The following MMS19 variants were observed in gnomAD, a reference collection of about 807,000 sequenced individuals.
MMS19 encodes MMS19 nucleotide excision repair protein homolog.
Under a neutral mutation model 129.8 loss-of-function variants are expected in MMS19, and 77 were observed. The observed-to-expected ratio is 0.59, with a 90% CI of 0.49 to 0.72. The LOEUF (loss-of-function observed/expected upper bound fraction) is 0.72, where lower values mean the gene tolerates loss of function less well. Among genes scored for constraint, MMS19 ranks in the 30% least tolerant of loss-of-function variants. The probability of loss-of-function intolerance (pLI) is 0.00; values close to 1 mark genes in which losing one functional copy is unlikely to be tolerated. For missense variants in MMS19, 1,168 were observed against 1,266.3 expected (o/e 0.92, Z 1.18); for synonymous variants, 491 against 502.8 (o/e 0.98, Z 0.31).
intron 1 of MMS19, among the ~76,000 whole-genome samples, chr10:97,491,832 GC>G (rs1398258253): frequency 6.6e-6 from 1 of 151,856 alleles, no homozygotes. Flanking sequence ...TTGAATTAAT[GC>G]AGCACAAACA....
chr10:97,461,384 G>T, intron 23 of MMS19, 112 bp downstream of exon 23: 1 of 1,299,016 alleles, frequency 7.7e-7, no homozygotes, highest in Non-Finnish European at 1.1e-6. Flanking sequence ...AGCAGTTGAA[G>T]CCCTGTTAAT....
chr10:97,496,676 G>A (rs2039854758), intron 1 of MMS19, among the ~76,000 whole-genome samples: 1 of 152,126 alleles, frequency 6.6e-6, no homozygotes, highest in Admixed American at 6.5e-5. Flanking sequence ...CATCACAAAT[G>A]ACACTGATAT....
chr10:97,498,781 G>A, upstream of MMS19: 1 of 271,686 alleles, frequency 3.7e-6, no homozygotes, highest in African/African-American at 2.2e-5. Flanking sequence ...GGTGGTGGCG[G>A]CGGCGCGGGC....
Position 97,458,596 on chromosome 10 carries a change from T to G in MMS19, c.*96A>C, listed in dbSNP as rs993354234. 7.8e-7 allele frequency: 1 copy of G among 1,288,092 alleles called. No homozygotes were observed. Among genetic ancestry groups the G allele is most frequent in the Non-Finnish European group, 1.1e-6 (1 of 931,780 alleles). The allele number at this position is 1,288,092 out of a possible 1,614,324, so 79.8% of individuals were successfully genotyped here. A position where few individuals can be genotyped will look rare whatever the true frequency, so the allele number is the denominator to read the frequency against. ...TGTGCTGTGTCTGTGGGAAAGGCAG[T>G]CAGAGACCAGTGGTTTCCCTGCTTT... is the stretch of plus-strand genomic sequence containing the variant. On this transcript the variant is annotated 3_prime_UTR_variant, in exon 31 of 31. Coordinates refer to ENST00000438925, the MANE Select transcript of MMS19 (RefSeq NM_022362.5).
Position 97,474,350 on chromosome 10 carries a change from C to G in MMS19, c.684+2333G>C, listed in dbSNP as rs553253844. Among the ~76,000 whole-genome samples the G allele has an allele frequency of 5.9e-5, 9 of 151,990 alleles. No individual in the cohort carries two copies. The East Asian group carries it at 1.7e-3, about 29-fold the overall frequency. ...TTGAGGTGAGGAGTTCGAGACCAACCTGGACAACATGGCAAAACCCCATCT... is the reference window on the plus strand; with the variant it reads ...TTGAGGTGAGGAGTTCGAGACCAACGTGGACAACATGGCAAAACCCCATCT... On this transcript the variant is annotated intron_variant, in intron 8 of 30. Coordinates refer to ENST00000438925, the MANE Select transcript of MMS19 (RefSeq NM_022362.5).
Position 97,478,339 on chromosome 10 carries a change from C to T in MMS19, c.313G>A (p.Val105Met), listed in dbSNP as rs759942356. 6.2e-7 allele frequency: 1 copy of T among 1,605,092 alleles called. No individual in the cohort carries two copies. Among genetic ancestry groups the T allele is most frequent in the Admixed American group, 1.7e-5 (1 of 58,738 alleles). Residue 105 changes from valine (V) to methionine (M), a missense_variant, in exon 4 of 31, where the codon GTG (valine) becomes ATG (methionine). Val to Met is a conservative substitution (Grantham distance 21). Coordinates refer to ENST00000438925, the MANE Select transcript of MMS19 (RefSeq NM_022362.5). ...AAACCCTGCAGGACAGATGGGATCA[C>T]AAGATGATGGTCCTTCAGCCGGTTC... The part of the protein sequence containing the change: ...YENRLKDHHL[V>M]IPSVLQGLKA...
intron 8 of MMS19, among the ~76,000 whole-genome samples, chr10:97,476,376 T>C (rs1170321191): frequency 4.6e-5 from 7 of 152,212 alleles, no homozygotes. Flanking sequence ...ACTACTCATT[T>C]TCCTACCTAA....
At position 97,498,353 on chromosome 10, in the gene MMS19, G is replaced by T; in HGVS notation, c.32C>A (p.Ala11Glu). 5 of 1,571,446 alleles carry T rather than the reference G, an allele frequency of 3.2e-6. No homozygotes were observed. Among genetic ancestry groups the T allele is most frequent in the South Asian group, 1.1e-5 (1 of 87,094 alleles). Residue 11 changes from alanine to glutamate, a missense_variant, in exon 1 of 31, where the codon GCG becomes GAG. Ala to Glu is a moderately radical substitution (Grantham distance 107). Coordinates refer to ENST00000438925, the MANE Select transcript of MMS19 (RefSeq NM_022362.5). ...GAGGCCCCATAGGGCACCCATAGGC[G>T]CCGCCGCCTCCACAGCCGCGGCAGC... MAAAAAVEAA[A>E]PMGALWGLVH...
At chr10:97,467,742 C>G (rs565846835) in intron 13 of MMS19, 159 bp from the exon 14 acceptor site, 1 of 633,904 alleles carries the variant, frequency 1.6e-6, no homozygotes, top group Non-Finnish European at 2.7e-6. Context: ...TAGCTCCCTG[C>G]AGCCCCGACC....
Position 97,465,906 on chromosome 10 carries a change from T to C in MMS19, c.1655A>G (p.His552Arg). The change falls in exon 18 of 31, where the codon CAT becomes CGT. Residue 552 changes from histidine (H) to arginine (R), a missense_variant. Physicochemically the swap from His to Arg is conservative, Grantham distance 29. This residue lies in a region of MMS19 where 831 missense variants were observed against 910.8 expected (regional missense o/e 0.91). Transcript: ENST00000438925. ...TGACAAGGCTTGCAGACAGCACAGA[T>C]GCCGGGAGCATTGGGTGGGCTCATC... Reference protein sequence around the residue: ...NGDEPTQCSRHLCCLQALSAV... With the variant: ...NGDEPTQCSRRLCCLQALSAV... 3 of 1,613,996 alleles carry C rather than the reference T, an allele frequency of 1.9e-6. No individual in the cohort carries two copies. Among genetic ancestry groups the C allele is most frequent in the African/African-American group, 1.3e-5 (1 of 75,054 alleles).
Position 97,469,032 on chromosome 10 carries a change from A to G in MMS19, c.997T>C (p.Ser333Pro), listed in dbSNP as rs2034138866. 1 of 1,586,056 alleles carries G rather than the reference A, an allele frequency of 6.3e-7. No homozygotes were observed. The highest frequency in any genetic ancestry group is 1.1e-5 in the South Asian group (1 of 87,068). ...GCATCAGCCCTCAGCACAGAGCGAGACAAACACGCAGTCAGGGAGTGGAGG... is the reference window on the plus strand; with the variant it reads ...GCATCAGCCCTCAGCACAGAGCGAGGCAAACACGCAGTCAGGGAGTGGAGG... The part of the protein sequence containing the change: ...AALHSLTACL[S>P]RSVLRADAED... The change falls in exon 12 of 31, where the codon TCT becomes CCT. Residue 333 changes from serine to proline, a missense_variant. Transcript: ENST00000438925.
chr10:97,481,797 C>A (rs2036845888), intron 2 of MMS19, among the ~76,000 whole-genome samples: 1 of 151,996 alleles, frequency 6.6e-6, no homozygotes, highest in Non-Finnish European at 1.5e-5. Context: ...GTATATAACT[C>A]AGAGTAAGGG....
intron 20 of MMS19, among the ~76,000 whole-genome samples, 173 bp from the exon 21 acceptor site, chr10:97,462,292 C>G (rs1013319080): frequency 6.6e-6 from 1 of 152,228 alleles, no homozygotes; most frequent in African/African-American, 2.4e-5. Context: ...TGCCAGTAAT[C>G]ATTTCCATTC....
intron 1 of MMS19, among the ~76,000 whole-genome samples, chr10:97,497,953 G>A (rs1417329915): frequency 6.6e-6 from 1 of 152,208 alleles, no homozygotes; most frequent in Admixed American, 6.5e-5. Flanking sequence ...GCCTGGGTCC[G>A]AGTCCCACCT....
chr10:97,465,109 A>G (rs189400640), intron 18 of MMS19, among the ~76,000 whole-genome samples: 1 of 152,138 alleles, frequency 6.6e-6, no homozygotes, highest in African/African-American at 2.4e-5. Context: ...TCCCAGGTTC[A>G]AACGATTATC....
intron 13 of MMS19, 51 bp downstream of exon 13, chr10:97,468,201 G>A: frequency 1.4e-6 from 2 of 1,465,050 alleles, no homozygotes; most frequent in South Asian, 1.5e-5. Flanking sequence ...CTGAGAAAGG[G>A]AACCTAGCAC....
intron 1 of MMS19, among the ~76,000 whole-genome samples, chr10:97,485,336 G>T (rs967721198): frequency 6.6e-6 from 1 of 151,086 alleles, no homozygotes; most frequent in Non-Finnish European, 1.5e-5. Context: ...TTTTGAGATG[G>T]AGTCTTGCTC....
intron 8 of MMS19, 104 bp from the exon 9 acceptor site, chr10:97,470,965 A>G (rs766642668): frequency 4.2e-6 from 3 of 713,380 alleles, no homozygotes; most frequent in East Asian, 3.1e-5. Context: ...CTCATACCCA[A>G]TCAGGGAAGA....
chr10:97,465,864 G>C lies in MMS19; in HGVS notation c.1697C>G (p.Pro566Arg), dbSNP rs376926583. Residue 566 changes from proline to arginine, a missense_variant, in exon 18 of 31, where the codon CCC (proline) becomes CGC (arginine). Physicochemically the swap from Pro to Arg is moderately radical, Grantham distance 103. Around this residue, in one of 3 missense-constraint regions of MMS19, gnomAD observed 831 missense variants for 910.8 expected, o/e 0.91. Coordinates refer to ENST00000438925, the MANE Select transcript of MMS19 (RefSeq NM_022362.5). ...LQALSAVSTH[P>R]SIVKETLPLL... ...AGGCAGTGTCTCCTTGACGATGCTG[G>C]GATGTGTTGATACAGCTGACAAGGC... is the stretch of plus-strand genomic sequence containing the variant. 4 of 1,613,934 alleles carry C rather than the reference G, an allele frequency of 2.5e-6. No homozygotes were observed. In the Admixed American group the frequency reaches 6.7e-5, roughly 27 times the overall value.
Sources: gnomAD v4.1 joint callset for allele counts (sites outside exome capture counted in the v4.1 genomes callset) on GRCh38, gnomAD v4.1.1 for gene constraint, gnomAD v4.1.1 regional missense constraint, MANE v1.5 for transcripts, NCBI Gene and HGNC (gene_info 2026-07-23, HGNC 2026-07-21) for gene names.